Variants in SYT9 observed in about 807,000 individuals in gnomAD.
The protein encoded by SYT9 is synaptotagmin-9.
SYT9 carries 22 observed loss-of-function variants against 48.4 expected under a neutral mutation model. That is an observed-to-expected ratio of 0.45 (90% CI 0.32 to 0.65). The LOEUF is 0.65. Ranked by LOEUF, SYT9 falls within the 30% of genes least tolerant of loss-of-function variation. SYT9 has a pLI of 0.03. For synonymous variants in SYT9, 265 were observed against 245.0 expected, an observed-to-expected ratio of 1.08 and a Z score of -0.76; for missense variants, 577 against 622.0, an observed-to-expected ratio of 0.93 and a Z score of 0.77.
chr11:7,450,804 C>T (rs772879675), intron 6 of SYT9, among the ~76,000 whole-genome samples: 3 of 152,130 alleles, frequency 2.0e-5, no homozygotes, highest in Non-Finnish European at 4.4e-5. Context: ...TTACACATGC[C>T]GACACATGTC....
rs73397509 is a variant in SYT9, at chr11:7,334,930, T to C, written c.1044+20989T>C. On this transcript the variant is annotated intron_variant, in intron 3 of 6. Coordinates refer to ENST00000318881, the MANE Select transcript of SYT9 (RefSeq NM_175733.4). The stretch of plus-strand genomic sequence containing the variant: ...CAGTTTGAGATATTACAAGTAAAGC[T>C]GCCATGAACATTCATGTGCTTTGTA... Among the ~76,000 whole-genome samples the C allele has an allele frequency of 5.1e-3, 780 of 152,348 alleles. 8 individuals carry two copies. Among genetic ancestry groups the C allele is most frequent in the African/African-American group, 0.018 (762 of 41,592 alleles).
At chr11:7,415,336 A>G (rs1847221431) in intron 3 of SYT9, among the ~76,000 whole-genome samples, 1 of 152,030 alleles carries the variant, frequency 6.6e-6, no homozygotes, top group Non-Finnish European at 1.5e-5. Flanking sequence ...TATGCGATAG[A>G]CTGTAAGTTT....
intron 6 of SYT9, among the ~76,000 whole-genome samples, chr11:7,426,512 G>A (rs2134112557): frequency 6.6e-6 from 1 of 152,252 alleles, no homozygotes; most frequent in African/African-American, 2.4e-5. Context: ...AGGCATTTGG[G>A]CACACAAGGG....
intron 1 of SYT9, among the ~76,000 whole-genome samples, chr11:7,258,116 G>A (rs1848009153): frequency 6.6e-6 from 1 of 152,168 alleles, no homozygotes; most frequent in Non-Finnish European, 1.5e-5. Context: ...TTTTATGTTT[G>A]TGCTGCAAGT....
intron 6 of SYT9, among the ~76,000 whole-genome samples, chr11:7,434,623 C>A (rs1847668179): frequency 6.6e-6 from 1 of 152,118 alleles, no homozygotes; most frequent in Non-Finnish European, 1.5e-5. Context: ...TATCACATGA[C>A]CCCAAAGTAT....
At chr11:7,281,608 CAA>C (rs1848493306) in intron 1 of SYT9, among the ~76,000 whole-genome samples, 1 of 152,132 alleles carries the variant, frequency 6.6e-6, no homozygotes. Context: ...GCCATTTACA[CAA>C]AGCCAGATAT....
intron 1 of SYT9, among the ~76,000 whole-genome samples, chr11:7,281,876 C>A: frequency 6.6e-6 from 1 of 152,308 alleles, no homozygotes; most frequent in Non-Finnish European, 1.5e-5. Flanking sequence ...TAAGTTCATT[C>A]TGCTCCCCAA....
intron 3 of SYT9, among the ~76,000 whole-genome samples, chr11:7,345,817 G>A (rs12421835): frequency 3.9e-5 from 6 of 152,246 alleles, no homozygotes; most frequent in African/African-American, 7.2e-5. Flanking sequence ...GCAGAATGTA[G>A]AGTGATAAAA....
chr11:7,322,911 T>C (rs1369124912), intron 3 of SYT9, among the ~76,000 whole-genome samples: 2 of 152,184 alleles, frequency 1.3e-5, no homozygotes, highest in Non-Finnish European at 2.9e-5. Flanking sequence ...TTTTGCCTAT[T>C]GTTGAAATTT....
chr11:7,447,820 G>A (rs1383844708), intron 6 of SYT9, among the ~76,000 whole-genome samples: 1 of 152,176 alleles, frequency 6.6e-6, no homozygotes, highest in Non-Finnish European at 1.5e-5. Flanking sequence ...TGAATCCTGA[G>A]GCCATTGTGT....
chr11:7,290,856 G>C (rs1446811005), intron 1 of SYT9, among the ~76,000 whole-genome samples: 2 of 152,160 alleles, frequency 1.3e-5, no homozygotes, highest in African/African-American at 2.4e-5. Context: ...CTGAGTCCCA[G>C]TGGAAACGGG....
intron 3 of SYT9, 33 bp from the exon 4 acceptor site, chr11:7,416,009 T>G: frequency 2.5e-6 from 4 of 1,613,870 alleles, no homozygotes; most frequent in Non-Finnish European, 3.4e-6. Context: ...CTGGAGACAC[T>G]TTCTAATACT....
At chr11:7,424,363 A>G (rs1047808920) in intron 6 of SYT9, among the ~76,000 whole-genome samples, 3 of 152,170 alleles carry the variant, frequency 2.0e-5, no homozygotes, top group African/African-American at 7.2e-5. Flanking sequence ...CACCCCCTCC[A>G]TAGGGCCTCA....
At chr11:7,335,072 A>T (rs115787737) in intron 3 of SYT9, among the ~76,000 whole-genome samples, 1 of 152,308 alleles carries the variant, frequency 6.6e-6, no homozygotes, top group Non-Finnish European at 1.5e-5. Context: ...AAATGATTGT[A>T]TCATTTTACA....
chr11:7,386,948 C>A (rs1239536222), intron 3 of SYT9, among the ~76,000 whole-genome samples: 1 of 152,172 alleles, frequency 6.6e-6, no homozygotes. Flanking sequence ...CACATATACA[C>A]CATGGAATAC....
intron 1 of SYT9, among the ~76,000 whole-genome samples, chr11:7,283,920 C>A (rs1848551075): frequency 6.6e-6 from 1 of 152,114 alleles, no homozygotes; most frequent in South Asian, 2.1e-4. Flanking sequence ...ATTGGACCCT[C>A]CAAAAAGGCA....
At chr11:7,464,981 A>G (rs990142844) in intron 6 of SYT9, among the ~76,000 whole-genome samples, 2 of 151,612 alleles carry the variant, frequency 1.3e-5, no homozygotes, top group Non-Finnish European at 2.9e-5. Context: ...CCAGCTACTC[A>G]GGAGGCTGAG....
At chr11:7,353,790 A>G (rs1849964325) in intron 3 of SYT9, among the ~76,000 whole-genome samples, 1 of 152,218 alleles carries the variant, frequency 6.6e-6, no homozygotes, top group Non-Finnish European at 1.5e-5. Context: ...ACTTCTATTC[A>G]TAAAAAATTT....
intron 6 of SYT9, among the ~76,000 whole-genome samples, chr11:7,453,010 G>A (rs745435697): frequency 1.3e-5 from 2 of 151,992 alleles, no homozygotes; most frequent in Admixed American, 6.5e-5. Flanking sequence ...CCGAACTCCC[G>A]ACCTGAGATG....
Sources: gnomAD v4.1 joint callset for allele counts (sites outside exome capture counted in the v4.1 genomes callset) on GRCh38, gnomAD v4.1.1 for gene constraint, MANE v1.5 for transcripts, NCBI Gene and HGNC (gene_info 2026-07-23, HGNC 2026-07-21) for gene names.